ROBO2: variants seen among roughly 807,000 people sequenced by gnomAD.
The protein encoded by ROBO2 is roundabout homolog 2.
A neutral mutation model predicts 160.8 loss-of-function variants in ROBO2; 53 were observed. The ratio of observed to expected loss-of-function variants is 0.33; its 90% CI spans 0.26 to 0.41. The LOEUF is 0.41. Ranked by LOEUF, ROBO2 falls within the 10% of genes least tolerant of loss-of-function variation. The pLI is 1.00. For missense variants in ROBO2, 1,577 were observed against 1,722.4 expected, an observed-to-expected ratio of 0.92 and a Z score of 1.49; for synonymous variants, 664 against 611.7, an observed-to-expected ratio of 1.09 and a Z score of -1.26.
chr3:77,409,998 A>G (rs998959780), intron 2 of ROBO2, among the ~76,000 whole-genome samples: 2 of 152,226 alleles, frequency 1.3e-5, no homozygotes, highest in African/African-American at 2.4e-5. Context: ...AATTAAATTT[A>G]TATCTGCTAA....
intron 2 of ROBO2, among the ~76,000 whole-genome samples, chr3:77,401,200 A>T (rs2075765565): frequency 6.6e-6 from 1 of 151,852 alleles, no homozygotes; most frequent in African/African-American, 2.4e-5. Context: ...GGGTGGATTG[A>T]CTATGAGCTT....
chr3:76,180,273 A>G (rs2056187958), intron 2 of ROBO2, among the ~76,000 whole-genome samples: 1 of 152,164 alleles, frequency 6.6e-6, no homozygotes, highest in African/African-American at 2.4e-5. Context: ...TACTTTGTGT[A>G]ATGAAAACTT....
At chr3:77,532,866 T>C (rs1313314668) in intron 6 of ROBO2, among the ~76,000 whole-genome samples, 2 of 152,036 alleles carry the variant, frequency 1.3e-5, no homozygotes, top group Admixed American at 6.6e-5. Context: ...GCCTAAGTTA[T>C]TTGTTTTAAA....
chr3:76,773,090 C>T (rs778983126), intron 2 of ROBO2, among the ~76,000 whole-genome samples: 7 of 151,016 alleles, frequency 4.6e-5, no homozygotes, highest in African/African-American at 1.2e-4. Context: ...GTACTTGAGA[C>T]GTTCATTGTT....
At chr3:76,801,418 T>C (rs936620125) in intron 2 of ROBO2, among the ~76,000 whole-genome samples, 18 of 152,142 alleles carry the variant, frequency 1.2e-4, no homozygotes, top group Non-Finnish European at 2.1e-4. Context: ...GGGAGTACAA[T>C]TGGATTATTC....
chr3:76,519,769 A>G (rs1021271013), intron 2 of ROBO2, among the ~76,000 whole-genome samples: 1 of 152,190 alleles, frequency 6.6e-6, no homozygotes, highest in African/African-American at 2.4e-5. Flanking sequence ...ATATATTTCC[A>G]TTTAAGACTC....
intron 2 of ROBO2, among the ~76,000 whole-genome samples, chr3:77,396,543 A>G (rs1044685025): frequency 2.6e-5 from 4 of 152,114 alleles, no homozygotes; most frequent in Non-Finnish European, 4.4e-5. Context: ...AATTTTAGTT[A>G]TAGTACTTAA....
chr3:77,605,835 C>T (rs2094516847), intron 20 of ROBO2, among the ~76,000 whole-genome samples: 1 of 152,048 alleles, frequency 6.6e-6, no homozygotes, highest in Admixed American at 6.6e-5. Context: ...TGGTGACCAC[C>T]TAACATTTCT....
intron 2 of ROBO2, among the ~76,000 whole-genome samples, chr3:76,182,942 A>G (rs914135235): frequency 6.6e-6 from 1 of 152,162 alleles, no homozygotes; most frequent in Non-Finnish European, 1.5e-5. Context: ...GAAACTCTGT[A>G]GCTAAACATA....
intron 2 of ROBO2, among the ~76,000 whole-genome samples, chr3:76,337,013 C>G (rs1159362947): frequency 6.6e-6 from 1 of 151,850 alleles, no homozygotes; most frequent in Non-Finnish European, 1.5e-5. Context: ...TTTTCTGGGG[C>G]TTTGTAGAGA....
intron 2 of ROBO2, among the ~76,000 whole-genome samples, chr3:76,922,052 C>A (rs1259592130): frequency 1.3e-5 from 2 of 152,112 alleles, no homozygotes; most frequent in African/African-American, 4.8e-5. Context: ...TGGTTCATGC[C>A]TGTAATCCCA....
intron 2 of ROBO2, among the ~76,000 whole-genome samples, chr3:77,381,830 C>T (rs13092137): frequency 0.017 from 2,649 of 152,200 alleles, 48 homozygotes; most frequent in Non-Finnish European, 0.024. Context: ...TTAGGTCTTC[C>T]TTTCTTTTCA....
intron 2 of ROBO2, among the ~76,000 whole-genome samples, chr3:77,230,638 A>C (rs1490994764): frequency 6.6e-6 from 1 of 152,216 alleles, no homozygotes; most frequent in African/African-American, 2.4e-5. Context: ...AGCAAATCTC[A>C]AAGTTTTTAT....
chr3:76,996,065 T>C (rs1288251356), intron 2 of ROBO2, among the ~76,000 whole-genome samples: 1 of 152,218 alleles, frequency 6.6e-6, no homozygotes, highest in African/African-American at 2.4e-5. Context: ...GGTTTTCTTT[T>C]AGGGATTTTA....
intron 2 of ROBO2, among the ~76,000 whole-genome samples, chr3:76,414,450 G>A (rs967119116): frequency 2.6e-5 from 4 of 151,862 alleles, no homozygotes; most frequent in Non-Finnish European, 2.9e-5. Flanking sequence ...AAAATGATGA[G>A]TTCATGTCCT....
intron 1 of ROBO2, 95 bp from the exon 2 acceptor site, chr3:77,097,919 C>G: frequency 1.9e-6 from 2 of 1,069,026 alleles, no homozygotes; most frequent in Non-Finnish European, 2.6e-6. Context: ...GTTGGATAAT[C>G]GAAGAGTTTA....
intron 24 of ROBO2, among the ~76,000 whole-genome samples, chr3:77,636,716 T>A (rs919012434): frequency 1.3e-5 from 2 of 152,230 alleles, no homozygotes; most frequent in African/African-American, 4.8e-5. Flanking sequence ...AGTTTGCTGA[T>A]CTAGCTCAAT....
intron 2 of ROBO2, among the ~76,000 whole-genome samples, chr3:77,362,862 T>G (rs2070247194): frequency 6.6e-6 from 1 of 152,090 alleles, no homozygotes; most frequent in Admixed American, 6.6e-5. Context: ...AGGAACTCCT[T>G]TTTATAAAAC....
At chr3:76,114,298 G>T (rs1007115723) in intron 2 of ROBO2, among the ~76,000 whole-genome samples, 1 of 151,936 alleles carries the variant, frequency 6.6e-6, no homozygotes, top group African/African-American at 2.4e-5. Context: ...TTAAGTGTTC[G>T]GTGGCTTTTC....
Sources: gnomAD v4.1 joint callset for allele counts (sites outside exome capture counted in the v4.1 genomes callset) on GRCh38, gnomAD v4.1.1 for gene constraint, MANE v1.5 for transcripts, NCBI Gene and HGNC (gene_info 2026-07-23, HGNC 2026-07-21) for gene names.